ZNF160: variants seen among roughly 807,000 people sequenced by gnomAD.
ZNF160 encodes the protein zinc finger protein 160, also known as KRAB zinc finger protein KR18.
Under a neutral mutation model 13.1 loss-of-function variants are expected in ZNF160, and 9 were observed. The ratio of observed to expected loss-of-function variants is 0.69; its 90% CI spans 0.41 to 1.20. ZNF160 has a LOEUF of 1.20. Ranked by LOEUF, ZNF160 falls within the 50% of genes most tolerant of loss-of-function variation. ZNF160 has a pLI of 0.01. For missense variants in ZNF160, 838 were observed against 988.0 expected, an observed-to-expected ratio of 0.85 and a Z score of 2.04; for synonymous variants, 293 against 333.2, an observed-to-expected ratio of 0.88 and a Z score of 1.31.
chr19:53,074,979 G>A, intron 4 of ZNF160, 78 bp downstream of exon 4: 1 of 1,592,662 alleles, frequency 6.3e-7, no homozygotes, highest in Non-Finnish European at 8.6e-7. Context: ...CAATGCAGGG[G>A]CTCTCCAGGG....
chr19:53,081,677 C>T (rs2084638746), intron 3 of ZNF160, among the ~76,000 whole-genome samples: 1 of 152,050 alleles, frequency 6.6e-6, no homozygotes, highest in South Asian at 2.1e-4. Context: ...TATGGGAATG[C>T]AAATTTGTTC....
chr19:53,069,975 A>G lies in ZNF160; in HGVS notation c.559T>C (p.Ser187Pro), dbSNP rs1362651234. The G allele has an allele frequency of 1.5e-5, 24 of 1,614,096 alleles. No individual in the cohort carries two copies. The highest frequency in any genetic ancestry group is 1.9e-5 in the Non-Finnish European group (22 of 1,180,026). Residue 187 changes from serine (S) to proline (P), a missense_variant, in exon 6 of 6, where the codon TCT (serine) becomes CCT (proline). By Grantham distance (74) the Ser-to-Pro change is moderately conservative. Transcript: ENST00000683776. This position sits in a 1 kb window ranked among gnomAD's most constrained non-coding sequence, Gnocchi z 4.4. ...AATAGCTGCAGTTCAGGCAGATGAG[A>G]ATGAAAGCTTACTCCAAGCTGATTG... ...MNNQLGVSFH[S>P]HLPELQLFQG...
chr19:53,096,005 G>C (rs947526262), intron 1 of ZNF160, among the ~76,000 whole-genome samples: 44 of 152,112 alleles, frequency 2.9e-4, no homozygotes, highest in African/African-American at 1.0e-3. Flanking sequence ...ATCATATGAA[G>C]TCAGGAGTTC....
chr19:53,074,269 C>T lies in ZNF160; in HGVS notation c.143-1G>A, dbSNP rs1442157164. The T allele has an allele frequency of 6.2e-7, 1 of 1,613,774 alleles. No homozygotes were observed. Among genetic ancestry groups the T allele is most frequent in the Admixed American group, 1.7e-5 (1 of 59,974 alleles). Reference sequence around the variant, plus strand: ...ATATTCATATCAAAATGACACAGTCCTGTTTATAAAAAGAAAGGATCACAA... The same window carrying T: ...ATATTCATATCAAAATGACACAGTCTTGTTTATAAAAAGAAAGGATCACAA... On this transcript the variant is annotated splice_acceptor_variant, in intron 4 of 5. Coordinates refer to ENST00000683776, the MANE Select transcript of ZNF160 (RefSeq NM_001322131.2). LOFTEE classifies it high-confidence loss of function.
intron 5 of ZNF160, chr19:53,072,824 C>T: frequency 4.0e-6 from 2 of 501,428 alleles, no homozygotes; most frequent in Non-Finnish European, 5.2e-6. Context: ...GCACTCCAGC[C>T]TGGGCAACAA....
rs781434346 is a variant in ZNF160 at position 53,073,524 on chromosome 19, A to AG, written c.271+615_271+616insC. On this transcript the variant is annotated intron_variant, in intron 5 of 5. Coordinates refer to ENST00000683776, the MANE Select transcript of ZNF160 (RefSeq NM_001322131.2). ...CCTGAGCAGGTCTTCCACGCACAGG[A>AG]AATGGGGTGGAACATAAACAGGTCT... The AG allele has an allele frequency of 9.6e-5, 153 of 1,592,996 alleles. 1 individual carries two copies. In the Middle Eastern group the frequency reaches 1.3e-3, roughly 14 times the overall value.
chr19:53,099,958 T>C (rs1296693298), intron 1 of ZNF160, among the ~76,000 whole-genome samples: 2 of 152,222 alleles, frequency 1.3e-5, no homozygotes, highest in East Asian at 3.8e-4. Flanking sequence ...AATTCCAGGA[T>C]CTTCTTTCAC....
rs551269616 is a variant in ZNF160, at chr19:53,067,714, C to G, written c.*363G>C. The G allele has an allele frequency of 3.9e-5, 7 of 178,576 alleles. No individual in the cohort carries two copies. In the South Asian group the frequency reaches 1.3e-3, roughly 34 times the overall value. The allele number at this position is 178,576 out of a possible 1,614,324, so 11.1% of individuals were successfully genotyped here. On this transcript the variant is annotated 3_prime_UTR_variant, in exon 6 of 6. Transcript: ENST00000683776. ...TGAGTTAAAAATATATAATTTTTAG[C>G]ATATTTGGACTTGTGAGTATTCTAC...
chr19:53,073,495 A>G, intron 5 of ZNF160: 9 of 1,597,922 alleles, frequency 5.6e-6, no homozygotes, highest in Non-Finnish European at 7.6e-6. Flanking sequence ...CAATGTTTCC[A>G]TCTCCTGAGC....
intron 2 of ZNF160, among the ~76,000 whole-genome samples, chr19:53,088,521 A>T (rs1288498573): frequency 6.8e-6 from 1 of 147,598 alleles, no homozygotes; most frequent in African/African-American, 2.5e-5. Context: ...TTTTTATTTA[A>T]AAAAAAAAAA....
At position 53,069,568 on chromosome 19, in the gene ZNF160, G is replaced by T; in HGVS notation, c.966C>A (p.Phe322Leu). ...GAGTTGCAAGGTATGAATTGTGCCT[G>T]AAGACCTTGCCACACTCATGACATT... is the stretch of plus-strand genomic sequence containing the variant. ...PYKCHECGKV[F>L]RHNSYLATHR... Residue 322 changes from phenylalanine to leucine, a missense_variant, in exon 6 of 6, where the codon TTC (phenylalanine) becomes TTA (leucine). Coordinates refer to ENST00000683776, the MANE Select transcript of ZNF160 (RefSeq NM_001322131.2). The surrounding 1 kb of genome is among the most constrained non-coding windows in gnomAD (Gnocchi z 4.4). The T allele has an allele frequency of 6.2e-7, 1 of 1,614,004 alleles. No homozygotes were observed. Among genetic ancestry groups the T allele is most frequent in the South Asian group, 1.1e-5 (1 of 91,068 alleles).
intron 1 of ZNF160, among the ~76,000 whole-genome samples, chr19:53,092,371 C>T (rs7253213): frequency 0.57 from 86,354 of 151,744 alleles, 24,964 homozygotes; most frequent in Non-Finnish European, 0.61. Flanking sequence ...AGTGCAATGG[C>T]GCAATCTTGG....
In ZNF160 at chr19:53,066,748, TA is replaced by T. The variant is rs2083982756; in HGVS notation, c.*1328del. On this transcript the variant is annotated 3_prime_UTR_variant, in exon 6 of 6. Transcript: ENST00000683776. ...AATATGTTACTCTACTTCTGTTGAT[TA>T]AACTCTTCACTCTGACAACTACTCT... 6.6e-6 allele frequency: 1 copy of T among 152,208 alleles called. No individual in the cohort carries two copies. The highest frequency in any genetic ancestry group is 2.4e-5 in the African/African-American group (1 of 41,466). 9.4% of individuals were successfully genotyped at this position (152,208 alleles called of 1,614,324 possible).
chr19:53,068,530 C>T lies in ZNF160; in HGVS notation c.2004G>A (p.Lys668=), dbSNP rs376751884. ...FSMHSNLTTH[K]VIHTGEKPYK... is the part of the protein sequence containing the mutation. ...AAGGCTTCTCTCCAGTATGGATGAC[C>T]TTATGGGTAGTTAGGTTTGAATGCA... is the stretch of plus-strand genomic sequence containing the variant. The change falls in exon 6 of 6, where the codon AAG becomes AAA. Residue 668 remains lysine (K), a synonymous_variant. Transcript: ENST00000683776. 5 of 1,613,762 alleles carry T rather than the reference C, an allele frequency of 3.1e-6. No individual in the cohort carries two copies. The African/African-American group carries it at 6.7e-5, about 22-fold the overall frequency.
chr19:53,075,636 A>G, intron 3 of ZNF160: 1 of 455,168 alleles, frequency 2.2e-6, no homozygotes, highest in Non-Finnish European at 4.4e-6. Flanking sequence ...AGAATACATG[A>G]GAGAATACAT....
chr19:53,076,031 T>C (rs1351654862), intron 3 of ZNF160: 1 of 219,748 alleles, frequency 4.6e-6, no homozygotes, highest in East Asian at 1.3e-4. Context: ...GAAAACCCAA[T>C]ACATCCAAAA....
intron 5 of ZNF160, among the ~76,000 whole-genome samples, chr19:53,070,899 A>G (rs549152254): frequency 6.6e-6 from 1 of 152,034 alleles, no homozygotes; most frequent in Non-Finnish European, 1.5e-5. Context: ...TACAAAAACA[A>G]AATAATTTAA....
chr19:53,070,216 C>T lies in ZNF160; in HGVS notation c.318G>A (p.Lys106=), dbSNP rs757700846. The T allele has an allele frequency of 1.2e-6, 2 of 1,609,156 alleles. No individual in the cohort carries two copies. Among genetic ancestry groups the T allele is most frequent in the African/African-American group, 1.3e-5 (1 of 74,744 alleles). Residue 106 remains lysine, a synonymous_variant, in exon 6 of 6, where the codon AAG becomes AAA. Coordinates refer to ENST00000683776, the MANE Select transcript of ZNF160 (RefSeq NM_001322131.2). The stretch of plus-strand genomic sequence containing the variant: ...TGTGGAATACTGCTTCTGTACTGCT[C>T]TTCTCTTTTGGTAGCAAATCCTTGA... ...CTIKDLLPKE[K]SSTEAVFHTV...
chr19:53,092,460 G>A (rs199714942), intron 1 of ZNF160, among the ~76,000 whole-genome samples: 7 of 152,052 alleles, frequency 4.6e-5, no homozygotes, highest in East Asian at 1.9e-4. Context: ...ACAGGCACAC[G>A]CCACTAGGCC....
Sources: allele counts gnomAD v4.1 joint callset (sites outside exome capture counted in the v4.1 genomes callset), GRCh38; gene constraint gnomAD v4.1.1; non-coding constraint Gnocchi (gnomAD v3.1); transcripts MANE v1.5; gene names NCBI Gene and HGNC (gene_info 2026-07-23, HGNC 2026-07-21).